The following CRIM1 variants were observed in gnomAD, a reference collection of about 807,000 sequenced individuals.
The protein encoded by CRIM1 is cysteine rich transmembrane BMP regulator 1.
A neutral mutation model predicts 116.4 loss-of-function variants in CRIM1; 32 were observed. The ratio of observed to expected loss-of-function variants is 0.27; its 90% CI spans 0.21 to 0.37. The LOEUF (loss-of-function observed/expected upper bound fraction) is 0.37. Among genes scored for constraint, CRIM1 ranks in the 10% least tolerant of loss-of-function variants. The probability of loss-of-function intolerance (pLI) is 1.00; values close to 1 mark genes in which losing one functional copy is unlikely to be tolerated. For missense variants in CRIM1, 1,331 were observed against 1,354.8 expected (o/e 0.98, Z 0.28); for synonymous variants, 590 against 509.2 (o/e 1.16, Z -2.13).
chr2:36,381,358 G>T (rs1479262552), intron 1 of CRIM1, among the ~76,000 whole-genome samples: 2 of 152,226 alleles, frequency 1.3e-5, no homozygotes, highest in East Asian at 3.9e-4. Context: ...GGGCTGGCAG[G>T]GCAGGGAGCC....
At chr2:36,506,258 C>T (rs1379422539) in intron 8 of CRIM1, among the ~76,000 whole-genome samples, 1 of 151,476 alleles carries the variant, frequency 6.6e-6, no homozygotes, top group Non-Finnish European at 1.5e-5. Context: ...ACCTAACGTG[C>T]ACATCTTTGG....
intron 2 of CRIM1, among the ~76,000 whole-genome samples, chr2:36,397,229 T>C (rs1672093510): frequency 6.6e-6 from 1 of 152,142 alleles, no homozygotes; most frequent in Admixed American, 6.5e-5. Flanking sequence ...AAGGCTTAGG[T>C]TGGTTTTGCT....
chr2:36,378,733 CTT>C (rs975755043), intron 1 of CRIM1: 3 of 149,702 alleles, frequency 2.0e-5, no homozygotes, highest in African/African-American at 7.4e-5. Flanking sequence ...AGTCTAATGT[CTT>C]TTTGGCTAAC....
At chr2:36,510,192 G>A (rs1447290812) in intron 9 of CRIM1, 53 bp downstream of exon 9, 16 of 1,533,138 alleles carry the variant, frequency 1.0e-5, no homozygotes, top group Non-Finnish European at 1.4e-5. Context: ...TTGGTGAAAT[G>A]TTTCTACACA....
intron 4 of CRIM1, among the ~76,000 whole-genome samples, chr2:36,454,661 C>G (rs1306483239): frequency 6.6e-6 from 1 of 152,008 alleles, no homozygotes; most frequent in Non-Finnish European, 1.5e-5. Context: ...CCCTTTTTTT[C>G]TATTTTTAAA....
intron 1 of CRIM1, among the ~76,000 whole-genome samples, chr2:36,359,363 T>C (rs1669069277): frequency 1.3e-5 from 2 of 152,214 alleles, no homozygotes; most frequent in African/African-American, 4.8e-5. Flanking sequence ...ATATTCTCTG[T>C]TTGCCAACTT....
chr2:36,371,122 G>C (rs1000812285), intron 1 of CRIM1, among the ~76,000 whole-genome samples: 1 of 152,160 alleles, frequency 6.6e-6, no homozygotes, highest in African/African-American at 2.4e-5. Context: ...TGGGTGTGGT[G>C]TCAGGTTTCA....
chr2:36,485,324 G>T (rs1028035360), intron 7 of CRIM1, among the ~76,000 whole-genome samples: 1 of 152,218 alleles, frequency 6.6e-6, no homozygotes, highest in Non-Finnish European at 1.5e-5. Flanking sequence ...GGCACGTCTT[G>T]ACCTATGTGG....
At position 36,440,141 on chromosome 2, in the gene CRIM1, G is replaced by A. The variant is rs563396041; in HGVS notation, c.506-1117G>A. On this transcript the variant is annotated intron_variant, in intron 2 of 16. Coordinates refer to ENST00000280527, the MANE Select transcript of CRIM1 (RefSeq NM_016441.3). ...AGACCTGAGTGGACTGGAATGAGGTGACCTGGATTCTTGCTTTAAGTTTAC... is the reference window on the plus strand; with the variant it reads ...AGACCTGAGTGGACTGGAATGAGGTAACCTGGATTCTTGCTTTAAGTTTAC... Among the ~76,000 whole-genome samples the A allele has an allele frequency of 7.9e-5, 12 of 152,278 alleles. No individual in the cohort carries two copies. The South Asian group carries it at 8.3e-4, about 11-fold the overall frequency.
intron 4 of CRIM1, among the ~76,000 whole-genome samples, chr2:36,452,407 C>T (rs1676802826): frequency 6.6e-6 from 1 of 152,166 alleles, no homozygotes; most frequent in Non-Finnish European, 1.5e-5. Flanking sequence ...AACATCTATT[C>T]TGTTGCCCTC....
chr2:36,506,170 C>G (rs1376217654), intron 8 of CRIM1, among the ~76,000 whole-genome samples: 1 of 85,036 alleles, frequency 1.2e-5, no homozygotes, highest in East Asian at 4.0e-4. Context: ...CTCTCTCTCT[C>G]TCTCTCTCTC....
chr2:36,414,026 T>C (rs1323424631), intron 2 of CRIM1, among the ~76,000 whole-genome samples: 1 of 152,216 alleles, frequency 6.6e-6, no homozygotes, highest in African/African-American at 2.4e-5. Context: ...TTACATCCAA[T>C]AGGTTTCTGT....
chr2:36,438,405 G>T (rs7571902), intron 2 of CRIM1, among the ~76,000 whole-genome samples: 3 of 152,020 alleles, frequency 2.0e-5, no homozygotes, highest in African/African-American at 7.3e-5. Context: ...ACCAAATGCA[G>T]TTTACAAACT....
rs572243696 is a variant in CRIM1 at position 36,479,559 on chromosome 2, G to C, written c.1237G>C (p.Gly413Arg). Residue 413 changes from glycine (G) to arginine (R), a missense_variant, in exon 7 of 17, where the codon GGA (glycine) becomes CGA (arginine). Gly to Arg is a moderately radical substitution (Grantham distance 125). Transcript: ENST00000280527. ...CYANGLILAH[G>R]DRWREDDCTF... The stretch of plus-strand genomic sequence containing the variant: ...TGCCAATGGCCTGATCCTTGCCCAC[G>C]GAGACCGGTGGCGGGAAGACGACTG... 54 of 1,614,066 alleles carry C rather than the reference G, an allele frequency of 3.3e-5. No homozygotes were observed. Among genetic ancestry groups the C allele is most frequent in the Non-Finnish European group, 4.5e-5 (53 of 1,180,040 alleles).
chr2:36,368,418 C>T (rs1215598028), intron 1 of CRIM1, among the ~76,000 whole-genome samples: 1 of 152,234 alleles, frequency 6.6e-6, no homozygotes, highest in Non-Finnish European at 1.5e-5. Flanking sequence ...AGAAACTTCA[C>T]CCTTCCTTTG....
At chr2:36,477,918 GTTC>G (rs1410271246) in intron 6 of CRIM1, among the ~76,000 whole-genome samples, 1 of 152,180 alleles carries the variant, frequency 6.6e-6, no homozygotes, top group Non-Finnish European at 1.5e-5. Flanking sequence ...TGTCTATAGT[GTTC>G]TTCTGACAAC....
chr2:36,473,670 C>T (rs954835884), intron 5 of CRIM1, among the ~76,000 whole-genome samples: 4 of 152,126 alleles, frequency 2.6e-5, no homozygotes, highest in Non-Finnish European at 5.9e-5. Context: ...ATAATATTTT[C>T]AAGTGTCATT....
At chr2:36,465,926 C>T (rs919627322) in intron 5 of CRIM1, among the ~76,000 whole-genome samples, 11 of 151,496 alleles carry the variant, frequency 7.3e-5, no homozygotes, top group Middle Eastern at 3.4e-3. Context: ...CGCCCTGTCG[C>T]CCAGGCTGGA....
At chr2:36,474,927 A>G (rs1426997317) in intron 5 of CRIM1, among the ~76,000 whole-genome samples, 1 of 151,110 alleles carries the variant, frequency 6.6e-6, no homozygotes. Flanking sequence ...GTGATAGTTT[A>G]TTCCTGAACT....
Sources: allele counts gnomAD v4.1 joint callset (sites outside exome capture counted in the v4.1 genomes callset), GRCh38; gene constraint gnomAD v4.1.1; transcripts MANE v1.5; gene names NCBI Gene and HGNC (gene_info 2026-07-23, HGNC 2026-07-21).